MINPP1: variants seen among roughly 807,000 people sequenced by gnomAD.
MINPP1 encodes multiple inositol-polyphosphate phosphatase 1.
MINPP1 carries 28 observed loss-of-function variants against 46.1 expected under a neutral mutation model. That is an observed-to-expected ratio of 0.61 (90% CI 0.45 to 0.83). The LOEUF (loss-of-function observed/expected upper bound fraction) is 0.83. Ranked by LOEUF, MINPP1 falls within the 40% of genes least tolerant of loss-of-function variation. The pLI, the probability that MINPP1 is intolerant of heterozygous loss-of-function variation, is 0.00. For synonymous variants in MINPP1, 268 were observed against 249.1 expected (o/e 1.08, Z -0.72); for missense variants, 603 against 610.0 (o/e 0.99, Z 0.12).
intron 4 of MINPP1, among the ~76,000 whole-genome samples, chr10:87,528,028 T>C (rs372212453): frequency 1.3e-5 from 2 of 152,236 alleles, no homozygotes; most frequent in Non-Finnish European, 2.9e-5. Flanking sequence ...ATGATAGTTA[T>C]ATTTCTGTGG....
rs564705045 is a variant in MINPP1, at chr10:87,527,301, C to T, written c.1067+6132C>T. Among the ~76,000 whole-genome samples the T allele has an allele frequency of 3.3e-5, 5 of 152,186 alleles. No individual in the cohort carries two copies. The East Asian group carries it at 9.7e-4, about 29-fold the overall frequency. On this transcript the variant is annotated intron_variant, in intron 4 of 4. Transcript: ENST00000371996. Reference sequence around the variant, plus strand: ...GAATGGGAGTTCACTCATGATTTGGCTCTATGTTGAGTAGGAGTGGTGAGA... The same window carrying T: ...GAATGGGAGTTCACTCATGATTTGGTTCTATGTTGAGTAGGAGTGGTGAGA...
chr10:87,517,810 C>G (rs374651247), intron 3 of MINPP1, among the ~76,000 whole-genome samples: 1 of 152,108 alleles, frequency 6.6e-6, no homozygotes, highest in East Asian at 1.9e-4. Flanking sequence ...CACAGGCATC[C>G]GCCACCACAC....
Position 87,537,511 on chromosome 10 carries a change from TTGTG to T in MINPP1, c.1068-14535_1068-14532del, listed in dbSNP as rs1554853571. Among the ~76,000 whole-genome samples, 240 of 85,164 alleles carry T rather than the reference TTGTG, an allele frequency of 2.8e-3. 1 individual carries two copies. Among genetic ancestry groups the T allele is most frequent in the East Asian group, 9.3e-3 (33 of 3,566 alleles). The allele number at this position is 85,164 out of a possible 152,430, so 55.9% of individuals were successfully genotyped here. On this transcript the variant is annotated intron_variant, in intron 4 of 4. Coordinates refer to ENST00000371996, the MANE Select transcript of MINPP1 (RefSeq NM_004897.5). ...TTAATTGGGTTATCTTTATTACTGTTTGTGTGTGTGTGTGTGTGTGTGTGTGTGT... is the reference window on the plus strand; with the variant it reads ...TTAATTGGGTTATCTTTATTACTGTTTGTGTGTGTGTGTGTGTGTGTGTGT...
intron 4 of MINPP1, among the ~76,000 whole-genome samples, chr10:87,529,139 C>A (rs1249063657): frequency 1.3e-5 from 2 of 152,150 alleles, no homozygotes; most frequent in Non-Finnish European, 2.9e-5. Context: ...ATACAGCACA[C>A]TGATGGGTCT....
chr10:87,530,425 T>C (rs914257977), intron 4 of MINPP1, among the ~76,000 whole-genome samples: 1 of 152,210 alleles, frequency 6.6e-6, no homozygotes, highest in Non-Finnish European at 1.5e-5. Context: ...TAGTTTTCCT[T>C]CTAACAGTCA....
At chr10:87,525,023 G>A (rs1851555764) in intron 4 of MINPP1, among the ~76,000 whole-genome samples, 1 of 151,984 alleles carries the variant, frequency 6.6e-6, no homozygotes, top group Admixed American at 6.5e-5. Flanking sequence ...ACGTGCTGTT[G>A]GAAAAATTAC....
At chr10:87,547,389 A>G (rs980585774) in intron 4 of MINPP1, among the ~76,000 whole-genome samples, 3 of 152,122 alleles carry the variant, frequency 2.0e-5, no homozygotes, top group Non-Finnish European at 4.4e-5. Flanking sequence ...GGATTACTTG[A>G]TTTTAAATGA....
At position 87,553,442 on chromosome 10, in the gene MINPP1, A is replaced by G. The variant is rs776584333; in HGVS notation, c.*964A>G. 1.3e-5 allele frequency: 2 copies of G among 152,078 alleles called. No homozygotes were observed. The highest frequency in any genetic ancestry group is 2.9e-5 in the Non-Finnish European group (2 of 68,006). The allele number at this position is 152,078 out of a possible 1,614,324, so 9.4% of individuals were successfully genotyped here. A position where few individuals can be genotyped will look rare whatever the true frequency, so the allele number is the denominator to read the frequency against. On this transcript the variant is annotated 3_prime_UTR_variant, in exon 5 of 5. Transcript: ENST00000371996. ...AAAATACAATCAATAATTGATGGTA[A>G]AAGTTTGGAAATTCAAGCAGATTTG...
intron 4 of MINPP1, among the ~76,000 whole-genome samples, chr10:87,544,574 G>A (rs879160276): frequency 1.3e-5 from 2 of 152,076 alleles, no homozygotes; most frequent in Admixed American, 6.5e-5. Context: ...CAATCAACAT[G>A]AGCATGCAAA....
At chr10:87,524,369 G>C (rs114594920) in intron 4 of MINPP1, among the ~76,000 whole-genome samples, 2,442 of 152,272 alleles carry the variant, frequency 0.016, 70 homozygotes, top group African/African-American at 0.055. Flanking sequence ...GAGCCTTGCT[G>C]TGGATTAGGC....
chr10:87,521,252 A>G lies in MINPP1; in HGVS notation c.1067+83A>G, dbSNP rs1851497020. On this transcript the variant is annotated intron_variant, in intron 4 of 4. Transcript: ENST00000371996. ...ATTTTTTTATAATGAGTAATTTTAA[A>G]AAATAGTTTTTGCTTGTGTTTTAAA... is the stretch of plus-strand genomic sequence containing the variant. 6 of 1,139,566 alleles carry G rather than the reference A, an allele frequency of 5.3e-6. No individual in the cohort carries two copies. The Admixed American group carries it at 1.2e-4, about 22-fold the overall frequency. The allele number at this position is 1,139,566 out of a possible 1,614,324, so 70.6% of individuals were successfully genotyped here.
At chr10:87,522,610 T>C (rs1266685581) in intron 4 of MINPP1, among the ~76,000 whole-genome samples, 1 of 152,228 alleles carries the variant, frequency 6.6e-6, no homozygotes, top group Non-Finnish European at 1.5e-5. Context: ...TTAAAAATGC[T>C]TTATTACTAG....
rs1427501545 is a variant in MINPP1, at chr10:87,505,267, G to A, written c.352G>A (p.Gly118Arg). ...GCAGGCCCGCGGGTCCAGGGATGGC[G>A]GGGCTAGTAGTACCGGCAGCCGCGA... ...LLQARGSRDG[G>R]ASSTGSRDLG... Residue 118 changes from glycine to arginine, a missense_variant, in exon 1 of 5, where the codon GGG becomes AGG. This residue lies in a region of MINPP1 where 239 missense variants were observed against 189.4 expected (regional missense o/e 1.26). Coordinates refer to ENST00000371996, the MANE Select transcript of MINPP1 (RefSeq NM_004897.5). The surrounding 1 kb of genome is among the most constrained non-coding windows in gnomAD (Gnocchi z 4.4). The A allele has an allele frequency of 1.2e-6, 2 of 1,611,446 alleles. No individual in the cohort carries two copies. The highest frequency in any genetic ancestry group is 3.3e-5 in the Admixed American group (2 of 59,932).
intron 4 of MINPP1, among the ~76,000 whole-genome samples, chr10:87,546,130 T>G (rs1201329677): frequency 6.6e-6 from 1 of 152,218 alleles, no homozygotes; most frequent in Non-Finnish European, 1.5e-5. Context: ...GTTGGCTATT[T>G]TTTATGGTTA....
Position 87,519,840 on chromosome 10 carries a change from T to C in MINPP1, c.934-1196T>C, listed in dbSNP as rs560197437. On this transcript the variant is annotated intron_variant, in intron 3 of 4. Coordinates refer to ENST00000371996, the MANE Select transcript of MINPP1 (RefSeq NM_004897.5). ...TTGTGGTTTTAGCTACAGGTTTTAG[T>C]TCTAGATAGAGATTTCAGTTCTCCA... Among the ~76,000 whole-genome samples, 15 of 152,300 alleles carry C rather than the reference T, an allele frequency of 9.8e-5. No homozygotes were observed. The East Asian group carries it at 2.9e-3, about 29-fold the overall frequency.
In MINPP1 at chr10:87,508,321, T is replaced by G. The variant is rs769420415; in HGVS notation, c.638-15T>G. On this transcript the variant is annotated splice_polypyrimidine_tract_variant and intron_variant, in intron 1 of 4. Transcript: ENST00000371996. Reference sequence around the variant, plus strand: ...CAGTGATTTACAAATACATATAAATTTTTTTCTCTTTCAGATATGGAGTTT... The same window carrying G: ...CAGTGATTTACAAATACATATAAATGTTTTTCTCTTTCAGATATGGAGTTT... The G allele has an allele frequency of 6.6e-5, 106 of 1,610,750 alleles. No individual in the cohort carries two copies. The highest frequency in any genetic ancestry group is 8.7e-5 in the Non-Finnish European group (103 of 1,178,086).
At chr10:87,522,429 G>A (rs1001635064) in intron 4 of MINPP1, among the ~76,000 whole-genome samples, 2 of 152,102 alleles carry the variant, frequency 1.3e-5, no homozygotes, top group African/African-American at 4.8e-5. Context: ...ATGTAGGCAT[G>A]TCTCAAAGAT....
chr10:87,535,992 T>G (rs1199018461), intron 4 of MINPP1, among the ~76,000 whole-genome samples: 1 of 152,214 alleles, frequency 6.6e-6, no homozygotes, highest in African/African-American at 2.4e-5. Context: ...GTGTTAATTT[T>G]AAATAAGTTC....
chr10:87,551,824 G>A (rs954885470), intron 4 of MINPP1, among the ~76,000 whole-genome samples: 7 of 151,944 alleles, frequency 4.6e-5, no homozygotes, highest in African/African-American at 1.7e-4. Context: ...AAACTTAAAG[G>A]AAAATATGTA....
Sources: gnomAD v4.1 joint callset for allele counts (sites outside exome capture counted in the v4.1 genomes callset) on GRCh38, gnomAD v4.1.1 for gene constraint, gnomAD v4.1.1 regional missense constraint, Gnocchi (gnomAD v3.1) non-coding constraint, MANE v1.5 for transcripts, NCBI Gene and HGNC (gene_info 2026-07-23, HGNC 2026-07-21) for gene names.